UBXN7: variants seen among roughly 807,000 people sequenced by gnomAD.
UBXN7 encodes UBX domain protein 7.
Under a neutral mutation model 58.0 loss-of-function variants are expected in UBXN7, and 9 were observed. The observed-to-expected ratio is 0.16, with a 90% CI of 0.09 to 0.27. The LOEUF is 0.27. UBXN7 is among the 10% of genes least tolerant of loss of function. The pLI, the probability that UBXN7 is intolerant of heterozygous loss-of-function variation, is 1.00. For synonymous variants in UBXN7, 208 were observed against 205.0 expected, an observed-to-expected ratio of 1.01 and a Z score of -0.12; for missense variants, 328 against 599.6, an observed-to-expected ratio of 0.55 and a Z score of 4.73.
At chr3:196,402,914 C>T (rs372645998) in intron 3 of UBXN7, 38 bp downstream of exon 3, 1 of 1,578,746 alleles carries the variant, frequency 6.3e-7, no homozygotes, top group Non-Finnish European at 8.5e-7. Flanking sequence ...TCCTAAAGAA[C>T]AAAATCAAAT....
At chr3:196,357,568 T>C (rs543374415) in intron 10 of UBXN7, among the ~76,000 whole-genome samples, 2 of 152,016 alleles carry the variant, frequency 1.3e-5, no homozygotes, top group African/African-American at 4.8e-5. Flanking sequence ...AGCACAGGAG[T>C]TGGAGACCAG....
chr3:196,375,000 G>GGAAGGAAGGAAGGA (rs1728963705), intron 5 of UBXN7, among the ~76,000 whole-genome samples: 1 of 28,078 alleles, frequency 3.6e-5, no homozygotes, highest in African/African-American at 2.2e-4. Context: ...GGGAGGGAGG[G>GGAAGGAAGGAAGGA]AGGGAGGAAG....
At chr3:196,424,851 C>T (rs1730799488) in intron 1 of UBXN7, among the ~76,000 whole-genome samples, 2 of 151,952 alleles carry the variant, frequency 1.3e-5, no homozygotes, top group African/African-American at 4.8e-5. Context: ...TACAGGCACA[C>T]ACCACCATGC....
At chr3:196,357,973 T>C (rs141346550) in intron 10 of UBXN7, among the ~76,000 whole-genome samples, 1 of 151,624 alleles carries the variant, frequency 6.6e-6, no homozygotes, top group African/African-American at 2.4e-5. Flanking sequence ...CAGGCAGAGG[T>C]TGCAGTGAGC....
At chr3:196,410,157 C>T (rs933932170) in intron 1 of UBXN7, among the ~76,000 whole-genome samples, 2 of 152,060 alleles carry the variant, frequency 1.3e-5, no homozygotes, top group African/African-American at 4.8e-5. Flanking sequence ...CCAGGCTGGT[C>T]CTGACCTCCT....
At chr3:196,359,448 T>G (rs1458792175) in intron 10 of UBXN7, among the ~76,000 whole-genome samples, 1 of 152,056 alleles carries the variant, frequency 6.6e-6, no homozygotes, top group Non-Finnish European at 1.5e-5. Context: ...GAAGTGTCCA[T>G]CCTCAAAATC....
chr3:196,422,687 C>T (rs1422381334), intron 1 of UBXN7, among the ~76,000 whole-genome samples: 2 of 152,092 alleles, frequency 1.3e-5, no homozygotes, highest in African/African-American at 4.8e-5. Context: ...TGGAAAGTCA[C>T]TATACCAGAA....
At chr3:196,427,220 T>G (rs1463065284) in intron 1 of UBXN7, among the ~76,000 whole-genome samples, 1 of 152,212 alleles carries the variant, frequency 6.6e-6, no homozygotes, top group African/African-American at 2.4e-5. Flanking sequence ...CAGCCCAAAG[T>G]TGGTGCTAAT....
intron 1 of UBXN7, among the ~76,000 whole-genome samples, chr3:196,425,926 G>A (rs1730835268): frequency 6.6e-6 from 1 of 152,100 alleles, no homozygotes; most frequent in African/African-American, 2.4e-5. Context: ...ACCTATTCGT[G>A]TGTCTCTATT....
chr3:196,375,183 C>CCCCA (rs375771785), intron 5 of UBXN7, among the ~76,000 whole-genome samples: 9 of 139,820 alleles, frequency 6.4e-5, no homozygotes, highest in Admixed American at 1.4e-4. Context: ...GGTGCTCTTA[C>CCCCA]CACACACACA....
At chr3:196,412,000 A>G (rs1730343488) in intron 1 of UBXN7, among the ~76,000 whole-genome samples, 1 of 152,016 alleles carries the variant, frequency 6.6e-6, no homozygotes, top group African/African-American at 2.4e-5. Flanking sequence ...AGGCTGAGGT[A>G]GGTGGATCAT....
chr3:196,364,854 A>G (rs948375127), intron 8 of UBXN7, among the ~76,000 whole-genome samples: 3 of 151,882 alleles, frequency 2.0e-5, no homozygotes, highest in Middle Eastern at 3.2e-3. Flanking sequence ...ACACCACCAC[A>G]CCCGGCCAAA....
intron 5 of UBXN7, among the ~76,000 whole-genome samples, chr3:196,372,343 C>CT (rs894793736): frequency 0.12 from 13,200 of 107,434 alleles, 939 homozygotes; most frequent in African/African-American, 0.19. Flanking sequence ...TTCTTTCTTT[C>CT]TTTTTTTTTT....
rs192251226 is a variant in UBXN7 at position 196,348,386 on chromosome 3, T to G, written c.*8299A>C. On this transcript the variant is annotated 3_prime_UTR_variant, in exon 11 of 11. Transcript: ENST00000296328. ...CAGAAAACAGAATTCGATGTGCATTTTAGGGAGCACTTGCCAGAAACATTA... is the reference window on the plus strand; with the variant it reads ...CAGAAAACAGAATTCGATGTGCATTGTAGGGAGCACTTGCCAGAAACATTA... The G allele has an allele frequency of 3.9e-5, 6 of 152,206 alleles. No homozygotes were observed. The highest frequency in any genetic ancestry group is 1.2e-4 in the African/African-American group (5 of 41,504). The allele number at this position is 152,206 out of a possible 1,614,324, so 9.4% of individuals were successfully genotyped here. A position where few individuals can be genotyped will look rare whatever the true frequency, so the allele number is the denominator to read the frequency against.
At chr3:196,411,238 TCA>T (rs1730315401) in intron 1 of UBXN7, among the ~76,000 whole-genome samples, 1 of 152,228 alleles carries the variant, frequency 6.6e-6, no homozygotes, top group Non-Finnish European at 1.5e-5. Flanking sequence ...GCACCTGGCA[TCA>T]CACTTTGCTT....
intron 3 of UBXN7, among the ~76,000 whole-genome samples, chr3:196,401,698 G>A (rs1729989329): frequency 2.0e-5 from 3 of 149,736 alleles, no homozygotes; most frequent in South Asian, 4.2e-4. Flanking sequence ...GGAGGTTGAG[G>A]CCAGAGGATC....
chr3:196,362,263 T>C (rs748102736), intron 9 of UBXN7, 31 bp downstream of exon 9: 31 of 1,552,592 alleles, frequency 2.0e-5, no homozygotes, highest in Non-Finnish European at 2.6e-5. Context: ...ATATCTAAGT[T>C]TGAAGTAAAG....
At chr3:196,398,154 C>T (rs1186351712) in intron 3 of UBXN7, among the ~76,000 whole-genome samples, 2 of 152,208 alleles carry the variant, frequency 1.3e-5, no homozygotes, top group African/African-American at 2.4e-5. Flanking sequence ...TGGATGCCCC[C>T]AGGCAATAGC....
intron 5 of UBXN7, among the ~76,000 whole-genome samples, chr3:196,381,869 C>A (rs928994809): frequency 6.6e-6 from 1 of 152,046 alleles, no homozygotes; most frequent in African/African-American, 2.4e-5. Flanking sequence ...CTGATTTGAT[C>A]AAGTGGAAGG....
Sources: allele counts gnomAD v4.1 joint callset (sites outside exome capture counted in the v4.1 genomes callset), GRCh38; gene constraint gnomAD v4.1.1; transcripts MANE v1.5; gene names NCBI Gene and HGNC (gene_info 2026-07-23, HGNC 2026-07-21).